Variants in KLHL32 observed in about 807,000 individuals in gnomAD.
KLHL32 encodes kelch-like protein 32.
KLHL32 carries 35 observed loss-of-function variants against 64.8 expected under a neutral mutation model. The observed-to-expected ratio is 0.54, with a 90% CI of 0.41 to 0.72. KLHL32 has a LOEUF of 0.72. Among genes scored for constraint, KLHL32 ranks in the 30% least tolerant of loss-of-function variants. The probability of loss-of-function intolerance (pLI) is 0.00; values close to 1 mark genes in which losing one functional copy is unlikely to be tolerated. For synonymous variants in KLHL32, 259 were observed against 281.0 expected, an observed-to-expected ratio of 0.92 and a Z score of 0.78; for missense variants, 589 against 768.5, an observed-to-expected ratio of 0.77 and a Z score of 2.76.
intron 4 of KLHL32, among the ~76,000 whole-genome samples, chr6:97,064,359 A>C (rs996042496): frequency 6.6e-6 from 1 of 152,174 alleles, no homozygotes; most frequent in Non-Finnish European, 1.5e-5. Context: ...ACCCTTCTAC[A>C]AAAAAATAAG....
Position 97,084,157 on chromosome 6 carries a change from G to T in KLHL32, c.412-969G>T, listed in dbSNP as rs79945520. 6.6e-4 allele frequency among the ~76,000 whole-genome samples: 100 copies of T among 152,296 alleles called. 1 individual carries two copies. In the East Asian group the frequency reaches 0.017, roughly 26 times the overall value. On this transcript the variant is annotated intron_variant, in intron 5 of 10. Transcript: ENST00000369261. ...TTACTTGGATTTATAGAGTGAAATGGATATCTGATAGCATTATACATTCCT... is the reference window on the plus strand; with the variant it reads ...TTACTTGGATTTATAGAGTGAAATGTATATCTGATAGCATTATACATTCCT...
At chr6:97,070,721 AT>A (rs1790577501) in intron 5 of KLHL32, among the ~76,000 whole-genome samples, 1 of 152,244 alleles carries the variant, frequency 6.6e-6, no homozygotes. Context: ...CAGCTGGGTG[AT>A]TTTAAAATCA....
At chr6:97,098,544 A>G (rs1795291845) in intron 6 of KLHL32, among the ~76,000 whole-genome samples, 1 of 152,190 alleles carries the variant, frequency 6.6e-6, no homozygotes, top group Non-Finnish European at 1.5e-5. Context: ...CTTGCTTTCA[A>G]AAAACCCTAT....
intron 3 of KLHL32, among the ~76,000 whole-genome samples, chr6:97,015,782 C>T (rs10080502): frequency 0.065 from 9,882 of 152,198 alleles, 689 homozygotes; most frequent in African/African-American, 0.17. Flanking sequence ...ATCTTGGTGG[C>T]AGCCCCTCCC....
chr6:97,124,273 A>C (rs1798662661), intron 7 of KLHL32, among the ~76,000 whole-genome samples: 1 of 152,222 alleles, frequency 6.6e-6, no homozygotes, highest in South Asian at 2.1e-4. Flanking sequence ...TCTAGAGGGA[A>C]TCTATTAATA....
At position 96,976,174 on chromosome 6, in the gene KLHL32, C is replaced by A. The variant is rs2128043898; in HGVS notation, c.201C>A (p.Phe67Leu). ...TCCTAGCAGCATGCAGTGACTATTT[C>A]CGGGTAAGTCAGCATTGTTTGTTTC... ...KAVLAACSDYFRAMFSLCMVE... is the reference protein window; with the variant it reads ...KAVLAACSDYLRAMFSLCMVE... The change falls in exon 3 of 11, where the codon TTC (phenylalanine) becomes TTA (leucine). Residue 67 changes from phenylalanine to leucine, a missense_variant. By Grantham distance (22) the Phe-to-Leu change is conservative. Coordinates refer to ENST00000369261, the MANE Select transcript of KLHL32 (RefSeq NM_052904.4). The A allele has an allele frequency of 6.5e-7, 1 of 1,550,026 alleles. No individual in the cohort carries two copies. The highest frequency in any genetic ancestry group is 1.8e-4 in the Middle Eastern group (1 of 5,710).
At chr6:96,968,547 T>C (rs929395749) in intron 2 of KLHL32, among the ~76,000 whole-genome samples, 8 of 152,196 alleles carry the variant, frequency 5.3e-5, no homozygotes, top group African/African-American at 1.7e-4. Flanking sequence ...AGGATCAGTG[T>C]GCATACTTAA....
chr6:97,047,176 T>C (rs940148734), intron 4 of KLHL32, among the ~76,000 whole-genome samples: 2 of 152,256 alleles, frequency 1.3e-5, no homozygotes, highest in Non-Finnish European at 2.9e-5. Flanking sequence ...CAAATTTTCC[T>C]CTTAATATTA....
At chr6:97,132,462 CAG>C (rs1449559755) in intron 9 of KLHL32, among the ~76,000 whole-genome samples, 189 bp from the exon 10 acceptor site, 1 of 152,142 alleles carries the variant, frequency 6.6e-6, no homozygotes, top group African/African-American at 2.4e-5. Context: ...TCTGACCTGA[CAG>C]ATTCATTCTC....
At chr6:97,129,710 C>T (rs569877993) in intron 8 of KLHL32, among the ~76,000 whole-genome samples, 270 of 152,130 alleles carry the variant, frequency 1.8e-3, no homozygotes, top group African/African-American at 6.1e-3. Context: ...GGTGAAACCC[C>T]GTCTTCACTA....
Position 97,140,517 on chromosome 6 carries a change from T to C in KLHL32, c.*1235T>C, listed in dbSNP as rs904465522. On this transcript the variant is annotated 3_prime_UTR_variant, in exon 11 of 11. Transcript: ENST00000369261. ...GGTTTGCTTTGTCTATAACAAAAAA[T>C]AAATACAACAACTTAATAATCACAT... 1 of 152,038 alleles carries C rather than the reference T, an allele frequency of 6.6e-6. No individual in the cohort carries two copies. The highest frequency in any genetic ancestry group is 2.4e-5 in the African/African-American group (1 of 41,446). The allele number at this position is 152,038 out of a possible 1,614,324, so 9.4% of individuals were successfully genotyped here.
At chr6:97,111,213 G>A (rs1475129595) in intron 6 of KLHL32, among the ~76,000 whole-genome samples, 1 of 152,230 alleles carries the variant, frequency 6.6e-6, no homozygotes, top group Non-Finnish European at 1.5e-5. Flanking sequence ...CCTTTCACCT[G>A]CAGGAAAGAG....
chr6:96,951,523 G>A (rs369824879), intron 1 of KLHL32, among the ~76,000 whole-genome samples: 2 of 152,056 alleles, frequency 1.3e-5, no homozygotes, highest in South Asian at 4.1e-4. Flanking sequence ...CTTAACCATC[G>A]CTGGTAAGGT....
At chr6:96,952,820 T>A (rs559672284) in intron 1 of KLHL32, among the ~76,000 whole-genome samples, 2 of 152,348 alleles carry the variant, frequency 1.3e-5, no homozygotes, top group East Asian at 3.9e-4. Context: ...TCTTTTGAGA[T>A]GTTTTTCAGA....
intron 3 of KLHL32, among the ~76,000 whole-genome samples, chr6:97,039,420 G>A (rs1457581327): frequency 6.6e-6 from 1 of 152,036 alleles, no homozygotes; most frequent in Admixed American, 6.6e-5. Context: ...AGGATGATGG[G>A]GATATTGAAT....
rs1334291304 is a variant in KLHL32 at position 96,932,207 on chromosome 6, T to TA, written c.-66+7181_-66+7182insA. ...GAGCTGATAGAACTGACTGGGTTAT[T>TA]TTTTTTTTTTTTTTGAGATTTCAAA... On this transcript the variant is annotated intron_variant, in intron 1 of 10. Coordinates refer to ENST00000369261, the MANE Select transcript of KLHL32 (RefSeq NM_052904.4). Among the ~76,000 whole-genome samples the TA allele has an allele frequency of 1.8e-3, 243 of 132,512 alleles. 1 individual carries two copies. Among genetic ancestry groups the TA allele is most frequent in the African/African-American group, 7.0e-3 (237 of 33,954 alleles). The allele number at this position is 132,512 out of a possible 152,430, so 86.9% of individuals were successfully genotyped here.
At chr6:97,092,951 A>T (rs1794475544) in intron 6 of KLHL32, among the ~76,000 whole-genome samples, 1 of 152,138 alleles carries the variant, frequency 6.6e-6, no homozygotes, top group Non-Finnish European at 1.5e-5. Flanking sequence ...ATGAGTTAAT[A>T]GTTTTTTTTC....
intron 2 of KLHL32, 118 bp downstream of exon 2, chr6:96,967,201 C>A: frequency 1.2e-6 from 1 of 818,622 alleles, no homozygotes; most frequent in South Asian, 1.9e-5. Context: ...AATCATCAAA[C>A]TAGTCAGAGC....
At chr6:96,980,822 C>T (rs1485353502) in intron 3 of KLHL32, among the ~76,000 whole-genome samples, 1 of 152,008 alleles carries the variant, frequency 6.6e-6, no homozygotes, top group Non-Finnish European at 1.5e-5. Context: ...TATATTAGTC[C>T]GTTCTCATGC....
Sources: gnomAD v4.1 joint callset for allele counts (sites outside exome capture counted in the v4.1 genomes callset) on GRCh38, gnomAD v4.1.1 for gene constraint, MANE v1.5 for transcripts, NCBI Gene and HGNC (gene_info 2026-07-23, HGNC 2026-07-21) for gene names.